The following GALNTL6 variants were observed in gnomAD, a reference collection of about 807,000 sequenced individuals.
GALNTL6 encodes polypeptide N-acetylgalactosaminyltransferase-like 6.
Under a neutral mutation model 73.7 loss-of-function variants are expected in GALNTL6, and 46 were observed. The ratio of observed to expected loss-of-function variants is 0.62; its 90% CI spans 0.49 to 0.80. The LOEUF is 0.80. Ranked by LOEUF, GALNTL6 falls within the 30% of genes least tolerant of loss-of-function variation. The probability of loss-of-function intolerance (pLI) is 0.00; values close to 1 mark genes in which losing one functional copy is unlikely to be tolerated. For missense variants in GALNTL6, 604 were observed against 755.0 expected (o/e 0.80, Z 2.34); for synonymous variants, 259 against 263.7 (o/e 0.98, Z 0.17).
intron 3 of GALNTL6, among the ~76,000 whole-genome samples, chr4:172,234,282 C>T (rs2110977450): frequency 6.6e-6 from 1 of 152,152 alleles, no homozygotes; most frequent in African/African-American, 2.4e-5. Flanking sequence ...CTAAGAACTG[C>T]AGTGTAACAT....
intron 7 of GALNTL6, among the ~76,000 whole-genome samples, chr4:172,871,549 C>T (rs1206382345): frequency 6.6e-6 from 1 of 151,442 alleles, no homozygotes; most frequent in Non-Finnish European, 1.5e-5. Context: ...CACTTTTTAG[C>T]CCAACAGAGG....
chr4:172,381,209 A>G (rs7695429), intron 5 of GALNTL6, among the ~76,000 whole-genome samples: 34,670 of 152,162 alleles, frequency 0.23, 4,442 homozygotes, highest in East Asian at 0.36. Context: ...TGGATGAAAC[A>G]AATGATTATT....
At chr4:172,390,641 A>G (rs542430186) in intron 5 of GALNTL6, among the ~76,000 whole-genome samples, 1 of 152,284 alleles carries the variant, frequency 6.6e-6, no homozygotes, top group African/African-American at 2.4e-5. Context: ...AGTGTTACCT[A>G]TGGTTTTGGA....
intron 2 of GALNTL6, among the ~76,000 whole-genome samples, chr4:172,012,922 A>G (rs944896370): frequency 1.1e-4 from 17 of 152,014 alleles, no homozygotes; most frequent in Non-Finnish European, 2.5e-4. Flanking sequence ...CCTCACCCCC[A>G]AAAGTTCTCT....
intron 2 of GALNTL6, among the ~76,000 whole-genome samples, chr4:172,178,653 T>A (rs1373559348): frequency 2.4e-5 from 1 of 42,124 alleles, no homozygotes; most frequent in African/African-American, 1.6e-4. Context: ...ACACATTTTC[T>A]TTTTTTTTTT....
intron 5 of GALNTL6, among the ~76,000 whole-genome samples, chr4:172,633,171 A>G (rs561011225): frequency 5.9e-5 from 9 of 152,248 alleles, no homozygotes; most frequent in African/African-American, 2.2e-4. Flanking sequence ...AGAACTCTGA[A>G]AAGAGGGCCA....
chr4:172,181,554 C>T (rs1735242793), intron 2 of GALNTL6, among the ~76,000 whole-genome samples: 1 of 152,140 alleles, frequency 6.6e-6, no homozygotes, highest in Non-Finnish European at 1.5e-5. Context: ...AGGATGCCCT[C>T]TCTCACCACA....
At chr4:172,748,010 T>C (rs201465972) in intron 5 of GALNTL6, among the ~76,000 whole-genome samples, 1 of 22 alleles carries the variant, frequency 0.045, no homozygotes, top group Admixed American at 0.5. Flanking sequence ...AAACTGCAAC[T>C]TTTAAGTGAA....
chr4:171,966,872 T>A (rs996719288), intron 2 of GALNTL6, among the ~76,000 whole-genome samples: 1 of 152,124 alleles, frequency 6.6e-6, no homozygotes, highest in Non-Finnish European at 1.5e-5. Flanking sequence ...CTCCTATAAT[T>A]TTTTTCTTGT....
At chr4:172,843,459 C>T (rs538274733) in intron 7 of GALNTL6, among the ~76,000 whole-genome samples, 18 of 152,324 alleles carry the variant, frequency 1.2e-4, no homozygotes, top group Admixed American at 4.6e-4. Context: ...CTGCTCTCAG[C>T]ATGACAGCTG....
chr4:172,882,981 C>A, intron 8 of GALNTL6, 74 bp downstream of exon 8: 1 of 784,702 alleles, frequency 1.3e-6, no homozygotes. Flanking sequence ...GCATGTTGCT[C>A]TGTGACCTGT....
intron 2 of GALNTL6, among the ~76,000 whole-genome samples, chr4:171,820,601 G>A (rs1454871353): frequency 6.6e-6 from 1 of 152,104 alleles, no homozygotes; most frequent in Non-Finnish European, 1.5e-5. Flanking sequence ...GGAATTTGAA[G>A]CACCATTGAA....
At chr4:171,864,837 T>C (rs1735929415) in intron 2 of GALNTL6, among the ~76,000 whole-genome samples, 1 of 151,982 alleles carries the variant, frequency 6.6e-6, no homozygotes, top group Admixed American at 6.6e-5. Flanking sequence ...AAGATAATTA[T>C]GCTGAAAAAA....
At chr4:172,957,557 A>G (rs1406926003) in intron 10 of GALNTL6, among the ~76,000 whole-genome samples, 3 of 152,224 alleles carry the variant, frequency 2.0e-5, no homozygotes, top group Non-Finnish European at 4.4e-5. Context: ...CCTGAGCGAT[A>G]GGATCTGATG....
chr4:172,672,319 T>G (rs757730278), intron 5 of GALNTL6, among the ~76,000 whole-genome samples: 34 of 152,364 alleles, frequency 2.2e-4, no homozygotes, highest in Admixed American at 5.2e-4. Context: ...ATTTATTGAT[T>G]TGCATGTGCT....
intron 2 of GALNTL6, among the ~76,000 whole-genome samples, chr4:172,009,103 C>T (rs749963322): frequency 6.6e-6 from 1 of 151,852 alleles, no homozygotes; most frequent in African/African-American, 2.4e-5. Context: ...TTTAAAGGTC[C>T]TATTAGGAGA....
At chr4:172,773,992 G>A (rs1337258818) in intron 5 of GALNTL6, among the ~76,000 whole-genome samples, 1 of 151,984 alleles carries the variant, frequency 6.6e-6, no homozygotes, top group Non-Finnish European at 1.5e-5. Flanking sequence ...AAAAAAAGAG[G>A]CCTGAACACT....
intron 2 of GALNTL6, among the ~76,000 whole-genome samples, chr4:171,892,986 C>T (rs1164266873): frequency 2.0e-5 from 3 of 152,148 alleles, no homozygotes; most frequent in Admixed American, 2.0e-4. Context: ...GCTCATTTCC[C>T]AGAAACCCAT....
chr4:172,723,742 G>A (rs760330774), intron 5 of GALNTL6, among the ~76,000 whole-genome samples: 2 of 151,838 alleles, frequency 1.3e-5, no homozygotes, highest in Admixed American at 6.6e-5. Context: ...GAAATCCAAT[G>A]TGTAGGTATT....
Sources: gnomAD v4.1 joint callset for allele counts (sites outside exome capture counted in the v4.1 genomes callset) on GRCh38, gnomAD v4.1.1 for gene constraint, MANE v1.5 for transcripts, NCBI Gene and HGNC (gene_info 2026-07-23, HGNC 2026-07-21) for gene names.